The following SLC8A1 variants were observed in gnomAD, a reference collection of about 807,000 sequenced individuals.
SLC8A1 encodes sodium/calcium exchanger 1.
SLC8A1 carries 18 observed loss-of-function variants against 68.3 expected under a neutral mutation model. That is an observed-to-expected ratio of 0.26 (90% confidence interval 0.18 to 0.39). SLC8A1 has a LOEUF of 0.39. Ranked by LOEUF, SLC8A1 falls within the 10% of genes least tolerant of loss-of-function variation. The pLI is 1.00. For missense variants in SLC8A1, 985 were observed against 1,156.7 expected (o/e 0.85, Z 2.15); for synonymous variants, 475 against 415.5 (o/e 1.14, Z -1.74).
At chr2:40,200,196 ATATATATATAAATATATATATATTTTTT>A (rs1393811443) in intron 2 of SLC8A1, among the ~76,000 whole-genome samples, 382 of 24,312 alleles carry the variant, frequency 0.016, 26 homozygotes, top group African/African-American at 0.061. Flanking sequence ...ATATATTTAT[ATATATATATAAATATATATATATTTTTT>A]TATATATATA....
At chr2:40,397,313 T>C (rs941763022) in intron 2 of SLC8A1, among the ~76,000 whole-genome samples, 2 of 152,200 alleles carry the variant, frequency 1.3e-5, no homozygotes, top group Non-Finnish European at 2.9e-5. Context: ...GTCAGTTTTC[T>C]AAGTTGATAA....
intron 2 of SLC8A1, among the ~76,000 whole-genome samples, chr2:40,377,387 C>G (rs1019591849): frequency 6.6e-6 from 1 of 152,018 alleles, no homozygotes; most frequent in Non-Finnish European, 1.5e-5. Context: ...AGCAGGGAGC[C>G]CAGTTAAACA....
intron 2 of SLC8A1, among the ~76,000 whole-genome samples, chr2:40,325,295 G>C (rs1382165364): frequency 6.6e-6 from 1 of 152,134 alleles, no homozygotes; most frequent in Non-Finnish European, 1.5e-5. Context: ...TTTGAGGTAG[G>C]GCAGGAAGAG....
chr2:40,286,887 C>G (rs890353756), intron 2 of SLC8A1, among the ~76,000 whole-genome samples: 1 of 152,180 alleles, frequency 6.6e-6, no homozygotes, highest in Non-Finnish European at 1.5e-5. Context: ...CACCTGTATT[C>G]GTCCTTGCAC....
chr2:40,367,065 GATTTCATA>G (rs1461883735), intron 2 of SLC8A1, among the ~76,000 whole-genome samples: 2 of 151,924 alleles, frequency 1.3e-5, no homozygotes, highest in African/African-American at 4.8e-5. Context: ...GGTTCTGGGT[GATTTCATA>G]GGGATTTTTC....
chr2:40,449,670 A>G (rs558464589), intron 1 of SLC8A1, among the ~76,000 whole-genome samples: 4 of 134,106 alleles, frequency 3.0e-5, no homozygotes, highest in Admixed American at 7.5e-5. Flanking sequence ...CTATATAATA[A>G]TATTAAAGTA....
At chr2:40,419,970 C>G (rs1695023633) in intron 2 of SLC8A1, among the ~76,000 whole-genome samples, 1 of 152,070 alleles carries the variant, frequency 6.6e-6, no homozygotes, top group South Asian at 2.1e-4. Context: ...TGTTCGAAAA[C>G]AAATTTGTTA....
rs1413899380 is a variant in SLC8A1 at position 40,306,684 on chromosome 2, G to A, written c.1808+121789C>T. ...TGCCCAAATAATGGCAAATCTTTTC[G>A]TTTGGAACACAGTTTCTTAATTAAG... On this transcript the variant is annotated intron_variant, in intron 2 of 7. Coordinates refer to ENST00000406785, the Ensembl canonical transcript of SLC8A1. Among the ~76,000 whole-genome samples the A allele has an allele frequency of 3.9e-5, 6 of 152,054 alleles. No homozygotes were observed. The East Asian group carries it at 9.6e-4, about 24-fold the overall frequency.
At chr2:40,252,019 C>T (rs1165342759) in intron 2 of SLC8A1, among the ~76,000 whole-genome samples, 3 of 152,028 alleles carry the variant, frequency 2.0e-5, no homozygotes, top group Non-Finnish European at 4.4e-5. Flanking sequence ...ACCATATATG[C>T]AATATGATTA....
At position 40,291,419 on chromosome 2, in the gene SLC8A1, C is replaced by T. The variant is rs187426078; in HGVS notation, c.1809-113564G>A. ...TGCATCAACAATAGAAAGATAAGTTCCCCTGCTCATATTCCGAAAGTTTCC... is the reference window on the plus strand; with the variant it reads ...TGCATCAACAATAGAAAGATAAGTTTCCCTGCTCATATTCCGAAAGTTTCC... On this transcript the variant is annotated intron_variant, in intron 2 of 7. Transcript: ENST00000406785. 5.3e-3 allele frequency among the ~76,000 whole-genome samples: 805 copies of T among 152,138 alleles called. 26 individuals are homozygous for T. Among genetic ancestry groups the T allele is most frequent in the Admixed American group, 0.042 (644 of 15,256 alleles).
chr2:40,350,289 C>A (rs564448162), intron 2 of SLC8A1, among the ~76,000 whole-genome samples: 1 of 152,116 alleles, frequency 6.6e-6, no homozygotes, highest in South Asian at 2.1e-4. Context: ...CAAGACCAAC[C>A]TGGGCAGCAA....
chr2:40,227,821 C>G (rs532801250), intron 2 of SLC8A1, among the ~76,000 whole-genome samples: 1 of 152,122 alleles, frequency 6.6e-6, no homozygotes, highest in South Asian at 2.1e-4. Context: ...CAGCACGGTG[C>G]TATATATGAC....
chr2:40,477,437 C>G (rs1343101840), intron 1 of SLC8A1, among the ~76,000 whole-genome samples: 1 of 152,118 alleles, frequency 6.6e-6, no homozygotes, highest in Non-Finnish European at 1.5e-5. Flanking sequence ...CTCCCTATTT[C>G]TTTGTCCTAC....
At chr2:40,499,898 T>G (rs1458075083) in intron 1 of SLC8A1, among the ~76,000 whole-genome samples, 1 of 152,040 alleles carries the variant, frequency 6.6e-6, no homozygotes, top group African/African-American at 2.4e-5. Flanking sequence ...TTTAAAATAT[T>G]CTCGGGTATA....
intron 2 of SLC8A1, among the ~76,000 whole-genome samples, chr2:40,316,751 C>T (rs981215548): frequency 6.6e-6 from 1 of 151,880 alleles, no homozygotes; most frequent in Non-Finnish European, 1.5e-5. Flanking sequence ...CGTGGCTGTC[C>T]AAAATACCTC....
At chr2:40,278,471 C>A (rs552341918) in intron 2 of SLC8A1, among the ~76,000 whole-genome samples, 80 of 80,814 alleles carry the variant, frequency 9.9e-4, no homozygotes, top group African/African-American at 6.9e-3. Context: ...CTGTCTCAAA[C>A]AAAACAAAAC....
chr2:40,457,334 G>C, intron 1 of SLC8A1, among the ~76,000 whole-genome samples: 1 of 152,106 alleles, frequency 6.6e-6, no homozygotes, highest in Admixed American at 6.5e-5. Flanking sequence ...GTCCCTGCGA[G>C]ATTACACTTC....
intron 2 of SLC8A1, among the ~76,000 whole-genome samples, chr2:40,356,001 G>C (rs1317717179): frequency 1.3e-5 from 2 of 152,202 alleles, no homozygotes; most frequent in South Asian, 2.1e-4. Context: ...CCGAGAGCTA[G>C]AGGTAGAGTC....
intron 2 of SLC8A1, among the ~76,000 whole-genome samples, chr2:40,288,073 G>C (rs1461543620): frequency 3.3e-5 from 5 of 152,174 alleles, no homozygotes; most frequent in Non-Finnish European, 7.3e-5. Context: ...CTTCCCTGCA[G>C]ACTCTGCAAA....
Sources: gnomAD v4.1 joint callset for allele counts (sites outside exome capture counted in the v4.1 genomes callset) on GRCh38, gnomAD v4.1.1 for gene constraint, MANE v1.5 for transcripts, NCBI Gene and HGNC (gene_info 2026-07-23, HGNC 2026-07-21) for gene names.